The following ESR2 variants were observed in gnomAD, a reference collection of about 807,000 sequenced individuals.
ESR2 encodes estrogen receptor 2.
A neutral mutation model predicts 49.6 loss-of-function variants in ESR2; 36 were observed. The ratio of observed to expected loss-of-function variants is 0.73; its 90% CI spans 0.56 to 0.96. ESR2 has a LOEUF of 0.96. Ranked by LOEUF, ESR2 falls within the 40% of genes least tolerant of loss-of-function variation. ESR2 has a pLI of 0.00. For missense variants in ESR2, 714 were observed against 693.0 expected (o/e 1.03, Z -0.34); for synonymous variants, 320 against 266.1 (o/e 1.20, Z -1.97).
intron 4 of ESR2, among the ~76,000 whole-genome samples, chr14:64,264,095 T>C (rs2076274777): frequency 6.6e-6 from 1 of 152,226 alleles, no homozygotes; most frequent in Non-Finnish European, 1.5e-5. Flanking sequence ...ATTAGCATGG[T>C]TATAACTTTT....
In ESR2 at chr14:64,257,540, C is replaced by A. The variant is rs985113189; in HGVS notation, c.953-176G>T. 7.9e-6 allele frequency: 6 copies of A among 756,448 alleles called. No individual in the cohort carries two copies. In the African/African-American group the frequency reaches 8.8e-5, roughly 11 times the overall value. 46.9% of individuals were successfully genotyped at this position (756,448 alleles called of 1,614,324 possible). On this transcript the variant is annotated intron_variant, in intron 5 of 8. Transcript: ENST00000341099. ...GGAAGAAAACTTTGAAGTTAAGCTG[C>A]GCAACTTAGTTTCCAGTCTTGGACC...
At chr14:64,304,862 C>A (rs1039225383) in intron 1 of ESR2, among the ~76,000 whole-genome samples, 1 of 150,970 alleles carries the variant, frequency 6.6e-6, no homozygotes, top group African/African-American at 2.4e-5. Context: ...GGCAACAGAG[C>A]GAGACATTCT....
At chr14:64,249,180 A>C (rs2075932347) in intron 7 of ESR2, among the ~76,000 whole-genome samples, 1 of 152,200 alleles carries the variant, frequency 6.6e-6, no homozygotes, top group Non-Finnish European at 1.5e-5. Context: ...GAACGAATGA[A>C]TCTGTAAAAA....
intron 1 of ESR2, among the ~76,000 whole-genome samples, chr14:64,313,987 G>A (rs993545652): frequency 7.2e-5 from 11 of 151,898 alleles, no homozygotes; most frequent in African/African-American, 9.7e-5. Context: ...TAATCAGCAC[G>A]AACATAGAAA....
At chr14:64,284,665 A>C (rs1231439728) in intron 1 of ESR2, among the ~76,000 whole-genome samples, 1 of 151,960 alleles carries the variant, frequency 6.6e-6, no homozygotes, top group African/African-American at 2.4e-5. Flanking sequence ...GTAATTCATC[A>C]CTTTCTTTCC....
intron 6 of ESR2, among the ~76,000 whole-genome samples, 196 bp downstream of exon 6, chr14:64,257,030 T>C (rs1427238596): frequency 1.3e-5 from 2 of 152,140 alleles, no homozygotes; most frequent in East Asian, 3.8e-4. Flanking sequence ...AGATTAAAAA[T>C]GAGTCACAGG....
intron 2 of ESR2, among the ~76,000 whole-genome samples, chr14:64,282,404 T>C (rs1567775009): frequency 6.6e-6 from 1 of 152,208 alleles, no homozygotes. Context: ...ATAGTCATGA[T>C]AGCAAATTCT....
chr14:64,245,163 C>T (rs1018317650), intron 7 of ESR2, among the ~76,000 whole-genome samples: 10 of 152,094 alleles, frequency 6.6e-5, no homozygotes, highest in Non-Finnish European at 1.3e-4. Flanking sequence ...GTCCCATTTT[C>T]GCCATAGCAA....
At chr14:64,315,640 AATTTTTTGT>A (rs1233995252) in intron 1 of ESR2, among the ~76,000 whole-genome samples, 3 of 144,240 alleles carry the variant, frequency 2.1e-5, no homozygotes, top group Non-Finnish European at 4.5e-5. Flanking sequence ...ACACCTGGCT[AATTTTTTGT>A]ATTTTTTGTA....
At position 64,289,294 on chromosome 14, in the gene ESR2, C is replaced by G. The variant is rs141978313; in HGVS notation, c.-91+4739G>C. Among the ~76,000 whole-genome samples the G allele has an allele frequency of 1.4e-3, 215 of 152,234 alleles. 1 individual carries two copies. Among genetic ancestry groups the G allele is most frequent in the African/African-American group, 4.9e-3 (203 of 41,530 alleles). On this transcript the variant is annotated intron_variant, in intron 1 of 8. Coordinates refer to ENST00000341099, the MANE Select transcript of ESR2 (RefSeq NM_001437.3). ...TTGGGAGGCCAAGGTGGGCAGATCA[C>G]CTGAGGTCGGGAGTTTGAGACCAGC...
At chr14:64,267,038 G>T (rs1483666450) in intron 4 of ESR2, among the ~76,000 whole-genome samples, 1 of 151,948 alleles carries the variant, frequency 6.6e-6, no homozygotes, top group South Asian at 2.1e-4. Flanking sequence ...ATGCCACCAC[G>T]CCCGGCTAAT....
intron 5 of ESR2, among the ~76,000 whole-genome samples, chr14:64,259,645 C>T (rs1024380322): frequency 2.6e-5 from 4 of 152,130 alleles, no homozygotes; most frequent in African/African-American, 7.2e-5. Context: ...GGATGGAAAA[C>T]GCAGGTTCCA....
upstream of ESR2, chr14:64,297,861 T>A (rs1490966234): frequency 6.6e-6 from 1 of 152,234 alleles, no homozygotes; most frequent in East Asian, 1.9e-4. Flanking sequence ...TAGGAGGATT[T>A]GGGTTCTGGG....
chr14:64,268,729 C>A, intron 4 of ESR2, 66 bp downstream of exon 4: 1 of 889,688 alleles, frequency 1.1e-6, no homozygotes, highest in South Asian at 1.5e-5. Flanking sequence ...TACCTGTCCC[C>A]AGTTCCTCAG....
At chr14:64,226,807 C>CAGCCTCCTGAGTAGCTGGGATTACA (rs1274830394), downstream of ESR2, 1 of 151,738 alleles carries the variant, frequency 6.6e-6, no homozygotes, top group Non-Finnish European at 1.5e-5. Flanking sequence ...TCTCATGCCT[C>CAGCCTCCTGAGTAGCTGGGATTACA]AGCCTCCTGA....
chr14:64,301,519 T>G (rs1471671818), intron 1 of ESR2: 1 of 152,194 alleles, frequency 6.6e-6, no homozygotes, highest in African/African-American at 2.4e-5. Flanking sequence ...GGCTACAAAC[T>G]ACCTCCATCT....
chr14:64,292,196 C>T (rs571228156), intron 1 of ESR2, among the ~76,000 whole-genome samples: 5 of 151,876 alleles, frequency 3.3e-5, no homozygotes, highest in Non-Finnish European at 5.9e-5. Context: ...ACTGACTCAT[C>T]CTATAAAAAG....
intron 7 of ESR2, among the ~76,000 whole-genome samples, chr14:64,239,903 G>A (rs1244365972): frequency 1.3e-5 from 2 of 152,128 alleles, no homozygotes; most frequent in Admixed American, 6.5e-5. Flanking sequence ...CTCCACTTAA[G>A]CCCACCATGG....
At chr14:64,331,919 G>GA (rs910295910) in intron 1 of ESR2, among the ~76,000 whole-genome samples, 1 of 150,486 alleles carries the variant, frequency 6.6e-6, no homozygotes, top group Non-Finnish European at 1.5e-5. Context: ...GAAATATTGA[G>GA]AAAAAAAATC....
Sources: allele counts gnomAD v4.1 joint callset (sites outside exome capture counted in the v4.1 genomes callset), GRCh38; gene constraint gnomAD v4.1.1; transcripts MANE v1.5; gene names NCBI Gene and HGNC (gene_info 2026-07-23, HGNC 2026-07-21).